The following GALNT9 variants were observed in gnomAD, a reference collection of about 807,000 sequenced individuals.
GALNT9 encodes the protein polypeptide N-acetylgalactosaminyltransferase 9, also known as GalNAc transferase 9.
A neutral mutation model predicts 63.1 loss-of-function variants in GALNT9; 47 were observed. That is an observed-to-expected ratio of 0.75 (90% CI 0.59 to 0.95). The LOEUF (loss-of-function observed/expected upper bound fraction) is 0.95, where lower values mean the gene tolerates loss of function less well. GALNT9 is among the 40% of genes least tolerant of loss of function. GALNT9 has a pLI of 0.00. For missense variants in GALNT9, 829 were observed against 874.8 expected (o/e 0.95, Z 0.66); for synonymous variants, 396 against 365.7 (o/e 1.08, Z -0.94).
At chr12:132,304,702 CCCTCACCTGGGCACAG>C (rs1881498940) in intron 1 of GALNT9, among the ~76,000 whole-genome samples, 1 of 47,074 alleles carries the variant, frequency 2.1e-5, no homozygotes, top group Non-Finnish European at 4.0e-5. Flanking sequence ...CCCAGACACA[CCCTCACCTGGGCACAG>C]CCTCACCGGG....
At chr12:132,224,797 C>G (rs1877584460) in intron 6 of GALNT9, among the ~76,000 whole-genome samples, 5 of 146,204 alleles carry the variant, frequency 3.4e-5, no homozygotes, top group African/African-American at 7.6e-5. Flanking sequence ...ATCTCATACA[C>G]ACACCCCACA....
chr12:132,197,524 C>T (rs1875602682), intron 10 of GALNT9, among the ~76,000 whole-genome samples: 1 of 152,336 alleles, frequency 6.6e-6, no homozygotes, highest in African/African-American at 2.4e-5. Flanking sequence ...ACCCTGGGCA[C>T]CTGAGGCTGG....
At chr12:132,312,593 T>C (rs1184750652) in intron 1 of GALNT9, among the ~76,000 whole-genome samples, 1 of 152,164 alleles carries the variant, frequency 6.6e-6, no homozygotes, top group Non-Finnish European at 1.5e-5. Flanking sequence ...AAATCCTGAC[T>C]CTGGAATCTC....
intron 2 of GALNT9, among the ~76,000 whole-genome samples, chr12:132,267,800 C>CACACGCACACACAT (rs138324682): frequency 7.1e-6 from 1 of 140,020 alleles, no homozygotes; most frequent in Non-Finnish European, 1.5e-5. Flanking sequence ...CGCACTCACA[C>CACACGCACACACAT]GCACTCACAC....
At chr12:132,303,345 C>T (rs1044222253) in intron 1 of GALNT9, among the ~76,000 whole-genome samples, 1 of 151,530 alleles carries the variant, frequency 6.6e-6, no homozygotes, top group Non-Finnish European at 1.5e-5. Context: ...CCACCAAAAA[C>T]GGAAGCAGAG....
At chr12:132,303,380 C>A (rs1383099965) in intron 1 of GALNT9, among the ~76,000 whole-genome samples, 1 of 147,404 alleles carries the variant, frequency 6.8e-6, no homozygotes, top group African/African-American at 2.7e-5. Flanking sequence ...AGCACCCTCT[C>A]CGGGGCACAG....
At chr12:132,272,265 G>A (rs923493403) in intron 2 of GALNT9, among the ~76,000 whole-genome samples, 1 of 152,226 alleles carries the variant, frequency 6.6e-6, no homozygotes, top group Non-Finnish European at 1.5e-5. Context: ...CCCCCTCAAC[G>A]GGACAGAGTG....
At chr12:132,298,772 C>G (rs1168407414) in intron 1 of GALNT9, among the ~76,000 whole-genome samples, 1 of 143,826 alleles carries the variant, frequency 7.0e-6, no homozygotes, top group African/African-American at 2.5e-5. Flanking sequence ...CCACCCCCAA[C>G]ACACCTAACC....
chr12:132,270,052 C>G (rs1555240584), intron 2 of GALNT9, among the ~76,000 whole-genome samples: 2 of 152,226 alleles, frequency 1.3e-5, no homozygotes, highest in African/African-American at 4.8e-5. Flanking sequence ...CCTGAGACTG[C>G]TCTTGTTTAG....
intron 6 of GALNT9, chr12:132,240,860 C>G (rs1878267804): frequency 1.0e-5 from 4 of 387,564 alleles, no homozygotes; most frequent in African/African-American, 4.2e-5. Flanking sequence ...ACACCCCCTT[C>G]CCAGGGCCGT....
chr12:132,221,639 T>G (rs1877454845), intron 6 of GALNT9, among the ~76,000 whole-genome samples: 1 of 113,456 alleles, frequency 8.8e-6, no homozygotes, highest in Non-Finnish European at 1.6e-5. Context: ...CCAGCCTGGG[T>G]GACAGAGTGA....
At chr12:132,308,486 T>C (rs1359119090) in intron 1 of GALNT9, among the ~76,000 whole-genome samples, 2 of 151,838 alleles carry the variant, frequency 1.3e-5, no homozygotes, top group Non-Finnish European at 2.9e-5. Flanking sequence ...CCCCAGGTGG[T>C]GCCTGCACCT....
At position 132,257,795 on chromosome 12, in the gene GALNT9, G is replaced by A; in HGVS notation, c.853C>T (p.Gln285Ter). 6.4e-7 allele frequency: 1 copy of A among 1,550,440 alleles called. No homozygotes were observed. Among genetic ancestry groups the A allele is most frequent in the Non-Finnish European group, 8.7e-7 (1 of 1,146,846 alleles). Residue 285 changes from glutamine to a stop codon, truncating the protein, a stop_gained, in exon 5 of 11, where the codon CAG becomes TAG. Coordinates refer to ENST00000328957, the MANE Select transcript of GALNT9 (RefSeq NM_001122636.2). LOFTEE classifies it high-confidence loss of function. ...CCATGGGCGGCGTTCGCATACTGCT[G>A]CACCTCAAACGTGCTGTACTTGATG... ...DNIKYSTFEV[Q>*]QYANAAHGYN...
intron 5 of GALNT9, among the ~76,000 whole-genome samples, chr12:132,251,549 C>T (rs1487582208): frequency 1.3e-5 from 2 of 152,198 alleles, no homozygotes; most frequent in African/African-American, 4.8e-5. Context: ...GGGGACTCCT[C>T]CGGGCCCACA....
rs1555232998 is a variant in GALNT9 at position 132,198,554 on chromosome 12, T to TG, written c.1498-596_1498-595insC. Among the ~76,000 whole-genome samples the TG allele has an allele frequency of 7.6e-3, 1,154 of 151,862 alleles. 14 individuals are homozygous for TG. The highest frequency in any genetic ancestry group is 0.026 in the African/African-American group (1,073 of 41,418). On this transcript the variant is annotated intron_variant, in intron 9 of 10. Coordinates refer to ENST00000328957, the MANE Select transcript of GALNT9 (RefSeq NM_001122636.2). ...CCCCCGAGCCAATGCTTCCCACACT[T>TG]CGCTTCAATCACGCGACAGTCCTGA...
At chr12:132,222,935 C>A (rs1431980257) in intron 6 of GALNT9, among the ~76,000 whole-genome samples, 2 of 84,466 alleles carry the variant, frequency 2.4e-5, no homozygotes, top group African/African-American at 4.5e-5. Context: ...AACCCACACC[C>A]CACACACACC....
intron 1 of GALNT9, among the ~76,000 whole-genome samples, chr12:132,298,286 C>T (rs1011452624): frequency 5.9e-5 from 9 of 151,986 alleles, no homozygotes; most frequent in Non-Finnish European, 1.0e-4. Flanking sequence ...AACCCAGTCC[C>T]ATGATAACTA....
rs2136897445 is a variant in GALNT9 at position 132,239,838 on chromosome 12, A to T, written c.1077+8072T>A. ...GAGACACAGAAAGACTGAGAGAGAC[A>T]AAGAGAGACAGACACAAGGAGATAG... On this transcript the variant is annotated intron_variant, in intron 6 of 10. Transcript: ENST00000328957. Among the ~76,000 whole-genome samples the T allele has an allele frequency of 1.2e-3, 182 of 152,210 alleles. 1 individual carries two copies. Among genetic ancestry groups the T allele is most frequent in the African/African-American group, 4.1e-3 (169 of 41,518 alleles).
intron 2 of GALNT9, chr12:132,284,264 G>A (rs1319587443): frequency 6.7e-6 from 1 of 150,190 alleles, no homozygotes; most frequent in African/African-American, 2.5e-5. Context: ...CACACATGCA[G>A]GTGCACACGC....
Sources: allele counts gnomAD v4.1 joint callset (sites outside exome capture counted in the v4.1 genomes callset), GRCh38; gene constraint gnomAD v4.1.1; transcripts MANE v1.5; gene names NCBI Gene and HGNC (gene_info 2026-07-23, HGNC 2026-07-21).